PAX6: variants seen among roughly 807,000 people sequenced by gnomAD.
PAX6 encodes the protein paired box 6, also known as paired box protein Pax-6.
Under a neutral mutation model 60.7 loss-of-function variants are expected in PAX6, and 7 were observed. That is an observed-to-expected ratio of 0.12 (90% CI 0.07 to 0.22). PAX6 has a LOEUF of 0.22. Ranked by LOEUF, PAX6 falls within the 10% of genes least tolerant of loss-of-function variation. The probability of loss-of-function intolerance (pLI) is 1.00; values close to 1 mark genes in which losing one functional copy is unlikely to be tolerated. For missense variants in PAX6, 355 were observed against 555.2 expected, an observed-to-expected ratio of 0.64 and a Z score of 3.62; for synonymous variants, 208 against 201.2, an observed-to-expected ratio of 1.03 and a Z score of -0.29.
At chr11:31,800,961 A>G in intron 7 of PAX6, 105 bp from the exon 8 acceptor site, 1 of 1,228,488 alleles carries the variant, frequency 8.1e-7, no homozygotes, top group Non-Finnish European at 1.2e-6. Context: ...AACCCGTTAA[A>G]AAGCTCCCAG....
chr11:31,809,074 T>C (rs1054774291), intron 2 of PAX6, among the ~76,000 whole-genome samples: 2 of 152,216 alleles, frequency 1.3e-5, no homozygotes, highest in Non-Finnish European at 2.9e-5. Flanking sequence ...TTTAATTACT[T>C]AATTCTCAAA....
intron 2 of PAX6, chr11:31,808,797 A>G (rs1956425872): frequency 6.6e-6 from 1 of 152,238 alleles, no homozygotes. Context: ...CGTGAACACT[A>G]AGTGCAGAAG....
chr11:31,794,243 T>C (rs1284165700), intron 9 of PAX6, 129 bp from the exon 10 acceptor site: 2 of 776,190 alleles, frequency 2.6e-6, no homozygotes, highest in African/African-American at 3.4e-5. Flanking sequence ...AAAATGCTTC[T>C]AGTGTTGACT....
intron 2 of PAX6, chr11:31,810,078 G>C (rs984226098): frequency 6.6e-6 from 1 of 152,344 alleles, no homozygotes; most frequent in Non-Finnish European, 1.5e-5. Flanking sequence ...CCTCCCGCTC[G>C]GCTCTGAGCT....
chr11:31,795,867 C>G (rs1209958021), intron 8 of PAX6, among the ~76,000 whole-genome samples: 1 of 152,220 alleles, frequency 6.6e-6, no homozygotes, highest in Admixed American at 6.5e-5. Flanking sequence ...GGTCTGGGGT[C>G]CTGAAATGAC....
At chr11:31,796,865 C>G (rs3026379) in intron 8 of PAX6, among the ~76,000 whole-genome samples, 27,273 of 152,006 alleles carry the variant, frequency 0.18, 3,152 homozygotes, top group Non-Finnish European at 0.26. Flanking sequence ...TGCACTCCAT[C>G]AGAAAGGTGG....
intron 8 of PAX6, among the ~76,000 whole-genome samples, chr11:31,798,476 G>T (rs944001030): frequency 1.3e-5 from 2 of 152,170 alleles, no homozygotes; most frequent in Non-Finnish European, 2.9e-5. Context: ...AGGGAGGGAG[G>T]GGGACCCTCT....
Position 31,811,028 on chromosome 11 carries a change from CAG to C in PAX6, c.-316-15_-316-14del. On this transcript the variant is annotated splice_polypyrimidine_tract_variant and intron_variant, in intron 1 of 13. Coordinates refer to ENST00000640368, the MANE Select transcript of PAX6 (RefSeq NM_001368894.2). ...AATTCTCAGATTCCTGGGAAGGAGACAGAGATTGACAATAAAATGGGCTGTCA... is the reference window on the plus strand; with the variant it reads ...AATTCTCAGATTCCTGGGAAGGAGACAGATTGACAATAAAATGGGCTGTCA... 1 of 399,260 alleles carries C rather than the reference CAG, an allele frequency of 2.5e-6. No individual in the cohort carries two copies. Among genetic ancestry groups the C allele is most frequent in the Non-Finnish European group, 4.4e-6 (1 of 226,160 alleles). The allele number at this position is 399,260 out of a possible 1,614,324, so 24.7% of individuals were successfully genotyped here.
upstream of PAX6, among the ~76,000 whole-genome samples, chr11:31,813,470 G>A (rs947222784): frequency 6.6e-6 from 1 of 151,528 alleles, no homozygotes; most frequent in African/African-American, 2.4e-5. Context: ...GAGTGGATTA[G>A]CACCTTCTTA....
intron 7 of PAX6, 61 bp from the exon 8 acceptor site, chr11:31,800,917 C>T (rs1402974495): frequency 6.5e-7 from 1 of 1,544,450 alleles, no homozygotes; most frequent in Non-Finnish European, 8.9e-7. Flanking sequence ...AGTCACCCAT[C>T]TCAGCTCACC....
chr11:31,793,068 A>G (rs1950391266), intron 12 of PAX6: 2 of 593,852 alleles, frequency 3.4e-6, no homozygotes, highest in Admixed American at 3.0e-5. Context: ...TATAAACCCA[A>G]ATTTTAAACT....
chr11:31,797,529 A>AG (rs1951981386), intron 8 of PAX6, among the ~76,000 whole-genome samples: 1 of 149,460 alleles, frequency 6.7e-6, no homozygotes, highest in Non-Finnish European at 1.5e-5. Context: ...AAAAAAAAAA[A>AG]GATGGGAAGC....
chr11:31,794,949 C>T lies in PAX6; in HGVS notation c.566-161G>A, dbSNP rs11031478. On this transcript the variant is annotated intron_variant, in intron 8 of 13. Coordinates refer to ENST00000640368, the MANE Select transcript of PAX6 (RefSeq NM_001368894.2). ...GCCTTCTTTTAAAAAAATACATTTG[C>T]GATGTTAGTTACCTGACCACCATTT... 0.021 allele frequency among the ~76,000 whole-genome samples: 3,148 copies of T among 152,248 alleles called. 124 individuals carry two copies. Among genetic ancestry groups the T allele is most frequent in the African/African-American group, 0.071 (2,931 of 41,514 alleles).
At chr11:31,797,582 G>T (rs1171945806) in intron 8 of PAX6, among the ~76,000 whole-genome samples, 1 of 151,454 alleles carries the variant, frequency 6.6e-6, no homozygotes, top group Non-Finnish European at 1.5e-5. Flanking sequence ...GTCGCTGCAG[G>T]ATCCCTTCTC....
intron 8 of PAX6, among the ~76,000 whole-genome samples, chr11:31,799,347 A>G (rs1285997588): frequency 6.6e-6 from 1 of 151,978 alleles, no homozygotes; most frequent in African/African-American, 2.4e-5. Context: ...CCGCCGGCCG[A>G]GCGGCCGCGC....
chr11:31,814,585 C>T (rs906163037), upstream of PAX6: 11 of 152,292 alleles, frequency 7.2e-5, no homozygotes, highest in African/African-American at 1.2e-4. Flanking sequence ...CAGACACCTG[C>T]GTCACTTTGT....
intron 2 of PAX6, chr11:31,807,934 G>C (rs979195371): frequency 6.6e-6 from 1 of 152,136 alleles, no homozygotes. Context: ...TCTTTTGGGT[G>C]AGTGGAGAAA....
At chr11:31,801,313 G>A in intron 7 of PAX6, 1 of 1,422,590 alleles carries the variant, frequency 7.0e-7, no homozygotes, top group Non-Finnish European at 9.2e-7. Flanking sequence ...GCCTTTCCCT[G>A]GTGCCTCCGC....
At chr11:31,800,619 GGTTGGGAGA>G in intron 8 of PAX6, 63 bp downstream of exon 8, 1 of 1,555,222 alleles carries the variant, frequency 6.4e-7, no homozygotes, top group South Asian at 1.1e-5. Flanking sequence ...GAGAGGAAAT[GGTTGGGAGA>G]GTAGGGGACA....
Sources: gnomAD v4.1 joint callset for allele counts (sites outside exome capture counted in the v4.1 genomes callset) on GRCh38, gnomAD v4.1.1 for gene constraint, MANE v1.5 for transcripts, NCBI Gene and HGNC (gene_info 2026-07-23, HGNC 2026-07-21) for gene names.